The following ATXN2L variants were observed in gnomAD, a reference collection of about 807,000 sequenced individuals.
ATXN2L encodes the protein ataxin-2-like protein.
In ATXN2L, 24 loss-of-function variants were observed where a neutral mutation model predicts 120.7. The observed-to-expected ratio is 0.20, with a 90% CI of 0.14 to 0.28. The LOEUF (loss-of-function observed/expected upper bound fraction) is 0.28. Among genes scored for constraint, ATXN2L ranks in the 10% least tolerant of loss-of-function variants. The pLI, the probability that ATXN2L is intolerant of heterozygous loss-of-function variation, is 1.00. For synonymous variants in ATXN2L, 653 were observed against 568.1 expected, an observed-to-expected ratio of 1.15 and a Z score of -2.13; for missense variants, 1,312 against 1,432.3, an observed-to-expected ratio of 0.92 and a Z score of 1.36.
chr16:28,826,728 A>ACCCC (rs2052204909), intron 5 of ATXN2L, 134 bp from the exon 6 acceptor site: 12 of 1,126,042 alleles, frequency 1.1e-5, no homozygotes, highest in Non-Finnish European at 1.3e-5. Context: ...TGGCCATCCT[A>ACCCC]ACACACGGGC....
chr16:28,836,818 G>A lies in ATXN2L; in HGVS notation c.*553G>A, dbSNP rs772476300. 2 of 1,612,600 alleles carry A rather than the reference G, an allele frequency of 1.2e-6. No homozygotes were observed. Among genetic ancestry groups the A allele is most frequent in the East Asian group, 2.2e-5 (1 of 44,878 alleles). ...CGACCTGAGACCTCCATGAGTGGAG[G>A]GAAGAGTGATCTATGTCTCTTCCCC... is the stretch of plus-strand genomic sequence containing the variant. On this transcript the variant is annotated 3_prime_UTR_variant, in exon 22 of 22. Coordinates refer to ENST00000336783, the MANE Select transcript of ATXN2L (RefSeq NM_007245.4).
In ATXN2L at chr16:28,835,088, C is replaced by A. The variant is rs765062281; in HGVS notation, c.2464C>A (p.Pro822Thr). ...GTTTGCCCCCATGCTTCAGAGCAAC[C>A]CACGCATGCTGACGTCGGGCAGCCA... Reference protein sequence around the residue: ...PVFAPMLQSNPRMLTSGSHPQ... With the variant: ...PVFAPMLQSNTRMLTSGSHPQ... The change falls in exon 19 of 22, where the codon CCA (proline) becomes ACA (threonine). Residue 822 changes from proline to threonine, a missense_variant. Physicochemically the swap from Pro to Thr is conservative, Grantham distance 38 (BLOSUM62 -1). Coordinates refer to ENST00000336783, the MANE Select transcript of ATXN2L (RefSeq NM_007245.4). The A allele has an allele frequency of 8.1e-6, 13 of 1,613,658 alleles. No homozygotes were observed. Among genetic ancestry groups the A allele is most frequent in the African/African-American group, 2.7e-5 (2 of 74,884 alleles).
Position 28,835,914 on chromosome 16 carries a change from A to G in ATXN2L, c.2896-19A>G. 6.5e-7 allele frequency: 1 copy of G among 1,548,816 alleles called. No homozygotes were observed. Among genetic ancestry groups the G allele is most frequent in the Non-Finnish European group, 8.7e-7 (1 of 1,146,988 alleles). ...TCAGGATTCTGTGGTCTTCCCGGCT[A>G]CTTTTTTGTTTTCCACAGGCCCATG... On this transcript the variant is annotated intron_variant, in intron 21 of 21. Transcript: ENST00000336783.
In ATXN2L at chr16:28,834,124, C is replaced by T. The variant is rs566506453; in HGVS notation, c.2085C>T (p.Ile695=). Residue 695 remains isoleucine (I), a synonymous_variant, in exon 16 of 22, where the codon ATC becomes ATT. Transcript: ENST00000336783. The part of the protein sequence containing the change: ...PGPRTHSTPS[I]PVLTAGQSGL... ...CCCGGACTCATTCAACTCCCTCCAT[C>T]CCGGTGCTGACAGCAGGCCAGAGTG... 4 of 1,614,190 alleles carry T rather than the reference C, an allele frequency of 2.5e-6. No individual in the cohort carries two copies. The highest frequency in any genetic ancestry group is 3.4e-6 in the Non-Finnish European group (4 of 1,180,006).
At chr16:28,833,763 G>C in intron 15 of ATXN2L, 1 of 608,818 alleles carries the variant, frequency 1.6e-6, no homozygotes, top group South Asian at 2.0e-5. Context: ...GCTTTTCTTT[G>C]GTTCTTGGCA....
At chr16:28,829,048 C>T (rs1195935697) in intron 6 of ATXN2L, among the ~76,000 whole-genome samples, 2 of 152,152 alleles carry the variant, frequency 1.3e-5, no homozygotes, top group African/African-American at 2.4e-5. Flanking sequence ...CAGGCCAGAG[C>T]GCAGTGGTGC....
chr16:28,825,952 C>T, intron 4 of ATXN2L, 111 bp downstream of exon 4: 1 of 1,097,852 alleles, frequency 9.1e-7, no homozygotes, highest in Non-Finnish European at 1.4e-6. Flanking sequence ...TTAGTTGTTT[C>T]TGTAGGCCTG....
In ATXN2L at chr16:28,826,895, C is replaced by T. The variant is rs755684437; in HGVS notation, c.650C>T (p.Ser217Leu). The T allele has an allele frequency of 1.3e-6, 2 of 1,597,000 alleles. No individual in the cohort carries two copies. The highest frequency in any genetic ancestry group is 1.7e-6 in the Non-Finnish European group (2 of 1,169,500). Reference sequence around the variant, plus strand: ...ACCGATTCAGCCATTGCCATGAACTCGAAAGTGAATGGGGAACACAAAGAG... The same window carrying T: ...ACCGATTCAGCCATTGCCATGAACTTGAAAGTGAATGGGGAACACAAAGAG... ...KFTDSAIAMN[S>L]KVNGEHKEKV... is the part of the protein sequence containing the mutation. The change falls in exon 6 of 22, where the codon TCG becomes TTG. Residue 217 changes from serine to leucine, a missense_variant. Coordinates refer to ENST00000336783, the MANE Select transcript of ATXN2L (RefSeq NM_007245.4).
rs371107827 is a variant in ATXN2L at position 28,826,847 on chromosome 16, C to T, written c.617-15C>T. The T allele has an allele frequency of 4.5e-6, 7 of 1,557,540 alleles. No individual in the cohort carries two copies. In the African/African-American group the frequency reaches 6.8e-5, roughly 15 times the overall value. ...AATATAGCCTGACTCCTGATCTTCA[C>T]CTCTGCCCCCACAGACAAGTTCACC... On this transcript the variant is annotated splice_polypyrimidine_tract_variant and intron_variant, in intron 5 of 21. Coordinates refer to ENST00000336783, the MANE Select transcript of ATXN2L (RefSeq NM_007245.4).
intron 9 of ATXN2L, 53 bp from the exon 10 acceptor site, chr16:28,830,909 G>T: frequency 6.8e-7 from 1 of 1,479,704 alleles, no homozygotes; most frequent in Non-Finnish European, 9.1e-7. Context: ...AATGTAATAG[G>T]TCGTCTGCCT....
rs758404080 is a variant in ATXN2L, at chr16:28,837,098, T to G, written c.*833T>G. 5.0e-5 allele frequency: 26 copies of G among 524,644 alleles called. No homozygotes were observed. Among genetic ancestry groups the G allele is most frequent in the Admixed American group, 3.0e-4 (13 of 42,958 alleles). The allele number at this position is 524,644 out of a possible 1,614,324, so 32.5% of individuals were successfully genotyped here. ...AACTTCAGACTTGGGCCCCCTGTTC[T>G]TTCTTTCCCATTAACTTGAGTGACC... On this transcript the variant is annotated 3_prime_UTR_variant, in exon 22 of 22. Coordinates refer to ENST00000336783, the MANE Select transcript of ATXN2L (RefSeq NM_007245.4).
At chr16:28,828,356 G>A (rs756531649) in intron 6 of ATXN2L, among the ~76,000 whole-genome samples, 5 of 152,192 alleles carry the variant, frequency 3.3e-5, no homozygotes, top group Admixed American at 6.5e-5. Context: ...GGAGGCCAAG[G>A]CGGGCAGATC....
At position 28,832,710 on chromosome 16, in the gene ATXN2L, G is replaced by A. The variant is rs975821435; in HGVS notation, c.1589-107G>A. 1.4e-5 allele frequency: 20 copies of A among 1,422,250 alleles called. No homozygotes were observed. In the African/African-American group the frequency reaches 2.7e-4, roughly 19 times the overall value. 88.1% of individuals were successfully genotyped at this position (1,422,250 alleles called of 1,614,324 possible). A position where few individuals can be genotyped will look rare whatever the true frequency, so the allele number is the denominator to read the frequency against. On this transcript the variant is annotated intron_variant, in intron 12 of 21. Transcript: ENST00000336783. Reference sequence around the variant, plus strand: ...AATTTCACTTCTGTGATCCTCAAGAGTTTCTCTTTTTTCTTTGCTTTCTTG... The same window carrying A: ...AATTTCACTTCTGTGATCCTCAAGAATTTCTCTTTTTTCTTTGCTTTCTTG...
Position 28,826,941 on chromosome 16 carries a change from G to T in ATXN2L, c.696G>T (p.Glu232Asp), listed in dbSNP as rs140933362. 182 of 1,584,762 alleles carry T rather than the reference G, an allele frequency of 1.1e-4. No homozygotes were observed. The highest frequency in any genetic ancestry group is 1.5e-4 in the Non-Finnish European group (172 of 1,161,884). Reference sequence around the variant, plus strand: ...AAGAGAAGGTGCTTCAGCGCTGGGAGGGGGGTGACAGCAACAGCGACGACT... The same window carrying T: ...AAGAGAAGGTGCTTCAGCGCTGGGATGGGGGTGACAGCAACAGCGACGACT... ...EHKEKVLQRW[E>D]GGDSNSDDYD... The change falls in exon 6 of 22, where the codon GAG becomes GAT. Residue 232 changes from glutamate (E) to aspartate (D), a missense_variant. Physicochemically the swap from Glu to Asp is conservative, Grantham distance 45. Transcript: ENST00000336783.
At position 28,836,975 on chromosome 16, in the gene ATXN2L, C is replaced by T. The variant is rs747401993; in HGVS notation, c.*710C>T. 1.5e-6 allele frequency: 1 copy of T among 674,046 alleles called. No individual in the cohort carries two copies. Among genetic ancestry groups the T allele is most frequent in the South Asian group, 1.6e-5 (1 of 60,630 alleles). The allele number at this position is 674,046 out of a possible 1,614,324, so 41.8% of individuals were successfully genotyped here. The stretch of plus-strand genomic sequence containing the variant: ...AGGGTCCAGCAGGGGTGGGGGGTTC[C>T]TGCTCTGCCCCTGCCCGTCCCCACC... On this transcript the variant is annotated 3_prime_UTR_variant, in exon 22 of 22. Transcript: ENST00000336783.
intron 6 of ATXN2L, 24 bp from the exon 7 acceptor site, chr16:28,829,377 A>G: frequency 6.4e-7 from 1 of 1,564,486 alleles, no homozygotes; most frequent in South Asian, 1.1e-5. Context: ...GCTGGGTTTT[A>G]AAACCACCTT....
chr16:28,833,410 G>T (rs202133008), intron 14 of ATXN2L, 29 bp from the exon 15 acceptor site: 1 of 1,613,954 alleles, frequency 6.2e-7, no homozygotes, highest in African/African-American at 1.3e-5. Flanking sequence ...AGAGCAAGCC[G>T]TGAAGATTTA....
intron 6 of ATXN2L, among the ~76,000 whole-genome samples, chr16:28,828,501 G>A (rs560106730): frequency 1.0e-3 from 153 of 151,554 alleles, no homozygotes; most frequent in African/African-American, 3.3e-3. Context: ...CAGGAGAATC[G>A]CTTGAACCCA....
Position 28,835,070 on chromosome 16 carries a change from C to T in ATXN2L, c.2446C>T (p.Pro816Ser). 1.2e-6 allele frequency: 2 copies of T among 1,612,664 alleles called. No individual in the cohort carries two copies. Among genetic ancestry groups the T allele is most frequent in the South Asian group, 1.1e-5 (1 of 90,888 alleles). Residue 816 changes from proline to serine, a missense_variant, in exon 19 of 22, where the codon CCC becomes TCC. Transcript: ENST00000336783. ...TCTGTCCCGCCAGCCGGTGTTTGCC[C>T]CCATGCTTCAGAGCAACCCACGCAT... The part of the protein sequence containing the change: ...AHYPSQPVFA[P>S]MLQSNPRMLT...
Sources: allele counts gnomAD v4.1 joint callset (sites outside exome capture counted in the v4.1 genomes callset), GRCh38; gene constraint gnomAD v4.1.1; transcripts MANE v1.5; gene names NCBI Gene and HGNC (gene_info 2026-07-23, HGNC 2026-07-21).